Variants in ZNF407 observed in about 807,000 individuals in gnomAD.
The protein encoded by ZNF407 is zinc finger protein 407.
Under a neutral mutation model 131.2 loss-of-function variants are expected in ZNF407, and 17 were observed. That is an observed-to-expected ratio of 0.13 (90% confidence interval 0.09 to 0.19). The LOEUF is 0.19. Among genes scored for constraint, ZNF407 ranks in the 10% least tolerant of loss-of-function variants. ZNF407 has a pLI of 1.00. For synonymous variants in ZNF407, 1,156 were observed against 1,062.0 expected (o/e 1.09, Z -1.72); for missense variants, 2,681 against 2,830.6 (o/e 0.95, Z 1.20).
At chr18:74,677,391 A>G (rs887020336) in intron 3 of ZNF407, among the ~76,000 whole-genome samples, 1 of 152,164 alleles carries the variant, frequency 6.6e-6, no homozygotes, top group African/African-American at 2.4e-5. Context: ...CTACGGGGTC[A>G]TCTTTTAATT....
At chr18:74,684,774 C>A (rs139711051) in intron 3 of ZNF407, among the ~76,000 whole-genome samples, 1 of 152,068 alleles carries the variant, frequency 6.6e-6, no homozygotes, top group Non-Finnish European at 1.5e-5. Context: ...CACGTGAGTT[C>A]GAACTTTAGT....
At chr18:74,937,925 A>G (rs994714063) in intron 8 of ZNF407, among the ~76,000 whole-genome samples, 14 of 152,228 alleles carry the variant, frequency 9.2e-5, no homozygotes, top group African/African-American at 3.4e-4. Context: ...TGGTGAGATT[A>G]TACTTGGTAG....
intron 3 of ZNF407, among the ~76,000 whole-genome samples, chr18:74,781,173 C>A (rs899864525): frequency 2.0e-5 from 3 of 152,144 alleles, no homozygotes; most frequent in African/African-American, 7.2e-5. Flanking sequence ...GATTGAAGAA[C>A]TACAATCATT....
In ZNF407 at chr18:74,631,966, A is replaced by T. The variant is rs1490817718; in HGVS notation, c.947A>T (p.Asp316Val). Residue 316 changes from aspartate (D) to valine (V), a missense_variant, in exon 2 of 9, where the codon GAT becomes GTT. Around this residue, in one of 6 missense-constraint regions of ZNF407, gnomAD observed 1,789 missense variants for 1,748.7 expected, o/e 1.02. Coordinates refer to ENST00000299687, the MANE Select transcript of ZNF407 (RefSeq NM_017757.3). ...RTSKSIAKNS[D>V]SKGLRNVGST... ...TCTAAATCAATAGCAAAGAATAGTG[A>T]TTCAAAAGGATTACGAAATGTGGGA... is the stretch of plus-strand genomic sequence containing the variant. 6.2e-7 allele frequency: 1 copy of T among 1,614,026 alleles called. No individual in the cohort carries two copies. Among genetic ancestry groups the T allele is most frequent in the South Asian group, 1.1e-5 (1 of 91,066 alleles).
chr18:74,794,549 C>T (rs766163018), intron 4 of ZNF407, among the ~76,000 whole-genome samples: 11 of 151,882 alleles, frequency 7.2e-5, no homozygotes, highest in African/African-American at 1.9e-4. Flanking sequence ...CCTAACGCTA[C>T]GTTGCTTATT....
chr18:74,986,963 T>C (rs1423091589), intron 8 of ZNF407, among the ~76,000 whole-genome samples: 1 of 152,232 alleles, frequency 6.6e-6, no homozygotes, highest in Non-Finnish European at 1.5e-5. Flanking sequence ...GGATATTGTG[T>C]CTAGTATTTG....
intron 4 of ZNF407, among the ~76,000 whole-genome samples, chr18:74,822,561 G>C (rs935152709): frequency 6.6e-6 from 1 of 152,180 alleles, no homozygotes; most frequent in African/African-American, 2.4e-5. Flanking sequence ...GTTTGTCAAA[G>C]ATCAGATGGT....
chr18:74,950,684 G>A (rs982587293), intron 8 of ZNF407, among the ~76,000 whole-genome samples: 1 of 152,156 alleles, frequency 6.6e-6, no homozygotes, highest in African/African-American at 2.4e-5. Flanking sequence ...AGCTTCTGTA[G>A]GGCATTTCCT....
chr18:74,627,223 G>T (rs1343948178), intron 1 of ZNF407, among the ~76,000 whole-genome samples: 1 of 152,064 alleles, frequency 6.6e-6, no homozygotes, highest in Non-Finnish European at 1.5e-5. Flanking sequence ...CAGCTGCCCT[G>T]GGTTGGACAA....
chr18:74,813,149 T>C (rs945992109), intron 4 of ZNF407, among the ~76,000 whole-genome samples: 2 of 152,182 alleles, frequency 1.3e-5, no homozygotes, highest in Non-Finnish European at 2.9e-5. Context: ...GAGGAGTGGT[T>C]GCCTTGTCCA....
At chr18:74,670,100 A>G (rs947339765) in intron 3 of ZNF407, among the ~76,000 whole-genome samples, 3 of 152,170 alleles carry the variant, frequency 2.0e-5, no homozygotes, top group African/African-American at 7.2e-5. Context: ...ACCAAGTAAC[A>G]TGTTCACATC....
intron 3 of ZNF407, among the ~76,000 whole-genome samples, chr18:74,654,427 C>T (rs1985360482): frequency 6.6e-6 from 1 of 151,850 alleles, no homozygotes; most frequent in South Asian, 2.1e-4. Context: ...CTTTCAGTGC[C>T]AAACTGAAAA....
intron 5 of ZNF407, among the ~76,000 whole-genome samples, chr18:74,878,745 C>A (rs779744498): frequency 6.6e-6 from 1 of 152,036 alleles, no homozygotes; most frequent in Non-Finnish European, 1.5e-5. Flanking sequence ...CCCATTATAT[C>A]TCTGCTATCA....
At chr18:74,902,160 T>C (rs1212108731) in intron 7 of ZNF407, among the ~76,000 whole-genome samples, 1 of 152,244 alleles carries the variant, frequency 6.6e-6, no homozygotes, top group Non-Finnish European at 1.5e-5. Flanking sequence ...TCATGGACGA[T>C]ACAGCATGTT....
intron 4 of ZNF407, among the ~76,000 whole-genome samples, chr18:74,836,764 C>T (rs1970565159): frequency 1.3e-5 from 2 of 152,208 alleles, no homozygotes; most frequent in South Asian, 2.1e-4. Context: ...TTAATCCTAA[C>T]AACACGACTG....
intron 3 of ZNF407, among the ~76,000 whole-genome samples, chr18:74,766,377 GAGAAGCTGATGT>G (rs1969233221): frequency 6.6e-6 from 1 of 152,208 alleles, no homozygotes; most frequent in Non-Finnish European, 1.5e-5. Flanking sequence ...TCAGGAGTCA[GAGAAGCTGATGT>G]AGAAGCTTTC....
At chr18:74,751,454 T>A (rs1968799329) in intron 3 of ZNF407, among the ~76,000 whole-genome samples, 1 of 152,174 alleles carries the variant, frequency 6.6e-6, no homozygotes, top group Admixed American at 6.6e-5. Flanking sequence ...ACATGTGCCA[T>A]GTTGGTGTGC....
intron 8 of ZNF407, among the ~76,000 whole-genome samples, chr18:74,953,782 G>A (rs1972243292): frequency 6.6e-6 from 1 of 152,246 alleles, no homozygotes; most frequent in African/African-American, 2.4e-5. Context: ...GCTGCAGACA[G>A]CCCCTTACTC....
intron 8 of ZNF407, among the ~76,000 whole-genome samples, chr18:74,957,195 G>T (rs2145286645): frequency 6.6e-6 from 1 of 152,176 alleles, no homozygotes; most frequent in Admixed American, 6.5e-5. Flanking sequence ...GCAGCTGAAG[G>T]TTGCCTTTTC....
Sources: allele counts gnomAD v4.1 joint callset (sites outside exome capture counted in the v4.1 genomes callset), GRCh38; gene constraint gnomAD v4.1.1; regional missense constraint gnomAD v4.1.1; transcripts MANE v1.5; gene names NCBI Gene and HGNC (gene_info 2026-07-23, HGNC 2026-07-21).